Variants in KIAA0586 observed in about 807,000 individuals in gnomAD.
KIAA0586 encodes KIAA0586.
In KIAA0586, 144 loss-of-function variants were observed where a neutral mutation model predicts 169.8. That is an observed-to-expected ratio of 0.85 (90% confidence interval 0.74 to 0.97). The LOEUF (loss-of-function observed/expected upper bound fraction) is 0.97, where lower values mean the gene tolerates loss of function less well. Ranked by LOEUF, KIAA0586 falls within the 50% of genes least tolerant of loss-of-function variation. The pLI is 0.00. For missense variants in KIAA0586, 1,854 were observed against 1,823.0 expected, an observed-to-expected ratio of 1.02 and a Z score of -0.31; for synonymous variants, 625 against 612.4, an observed-to-expected ratio of 1.02 and a Z score of -0.30.
rs369254091 is a variant in KIAA0586, at chr14:58,542,670, A to G, written c.4495+2534A>G. Among the ~76,000 whole-genome samples, 8 of 152,122 alleles carry G rather than the reference A, an allele frequency of 5.3e-5. 1 individual carries two copies. The highest frequency in any genetic ancestry group is 4.4e-5 in the Non-Finnish European group (3 of 67,990). On this transcript the variant is annotated intron_variant, in intron 30 of 30. Transcript: ENST00000652326. ...TTTCTTAATTGTATTTCAGTGAAAC[A>G]TTCTTATTCCTCCTTCTAAAGCAGA...
At chr14:58,557,899 A>ATTTTTTTTTTTTTT in the KIAA0586 span, among the ~76,000 whole-genome samples, 15 of 46,596 alleles carry the variant, frequency 3.2e-4, no homozygotes, top group African/African-American at 1.2e-3. Context: ...ATCCTGAGAA[A>ATTTTTTTTTTTTTT]TCTTTTTTTT....
intron 10 of KIAA0586, among the ~76,000 whole-genome samples, chr14:58,457,217 A>G (rs2039937925): frequency 6.6e-6 from 1 of 152,180 alleles, no homozygotes; most frequent in Non-Finnish European, 1.5e-5. Flanking sequence ...TGGACTGCTT[A>G]GCACTGCTAT....
chr14:58,428,468 G>GTGAT lies in KIAA0586; in HGVS notation c.199+7_199+10dup, dbSNP rs748161617. 3 of 1,593,554 alleles carry GTGAT rather than the reference G, an allele frequency of 1.9e-6. No individual in the cohort carries two copies. The highest frequency in any genetic ancestry group is 2.6e-6 in the Non-Finnish European group (3 of 1,162,422). ...GTTTGAATGGAACATCACGTGGTAT[G>GTGAT]TGATTCCATGTAGTTTTTCAACCAG... On this transcript the variant is annotated splice_donor_region_variant and intron_variant, in intron 1 of 30. Transcript: ENST00000652326.
chr14:58,511,276 A>C (rs1162805251), intron 28 of KIAA0586, among the ~76,000 whole-genome samples: 1 of 152,186 alleles, frequency 6.6e-6, no homozygotes, highest in Non-Finnish European at 1.5e-5. Flanking sequence ...GCTAGCAGGG[A>C]CTTATGGTTA....
At position 58,548,026 on chromosome 14, in the gene KIAA0586, A is replaced by G; in HGVS notation, c.*94A>G. 7.1e-7 allele frequency: 1 copy of G among 1,401,266 alleles called. No individual in the cohort carries two copies. Among genetic ancestry groups the G allele is most frequent in the Non-Finnish European group, 9.6e-7 (1 of 1,043,844 alleles). 86.8% of individuals were successfully genotyped at this position (1,401,266 alleles called of 1,614,324 possible). A position where few individuals can be genotyped will look rare whatever the true frequency, so the allele number is the denominator to read the frequency against. The stretch of plus-strand genomic sequence containing the variant: ...CCTCTCTCAGACTGTTTGGTTTTTG[A>G]GCATATTCTGAAAAAAAAATTCCAA... On this transcript the variant is annotated 3_prime_UTR_variant, in exon 31 of 31. Transcript: ENST00000652326.
At chr14:58,480,506 T>A (rs887698337) in intron 20 of KIAA0586, among the ~76,000 whole-genome samples, 1 of 152,202 alleles carries the variant, frequency 6.6e-6, no homozygotes, top group African/African-American at 2.4e-5. Context: ...TGATGAACCC[T>A]AAGCCATGTA....
chr14:58,474,622 G>C lies in KIAA0586; in HGVS notation c.2650G>C (p.Asp884His). 4 of 1,581,182 alleles carry C rather than the reference G, an allele frequency of 2.5e-6. No homozygotes were observed. The highest frequency in any genetic ancestry group is 3.4e-6 in the Non-Finnish European group (4 of 1,168,986). Reference protein sequence around the residue: ...IDVIQEEEKCDEIPDSEPILE... With the variant: ...IDVIQEEEKCHEIPDSEPILE... ...TTACTACCAGGAAGAAGAAAAATGT[G>C]ATGAAATTCCAGACTCTGAACCAAT... The change falls in exon 19 of 31, where the codon GAT becomes CAT. Residue 884 changes from aspartate to histidine, a missense_variant. Transcript: ENST00000652326.
intron 6 of KIAA0586, among the ~76,000 whole-genome samples, chr14:58,447,441 ATATTT>A (rs142310844): frequency 0.013 from 1,763 of 130,652 alleles, 46 homozygotes; most frequent in African/African-American, 0.047. Flanking sequence ...CTCATTTCAG[ATATTT>A]TATTTTATTT....
intron 18 of KIAA0586, among the ~76,000 whole-genome samples, chr14:58,473,410 A>AT (rs887643165): frequency 2.0e-5 from 3 of 152,130 alleles, no homozygotes; most frequent in African/African-American, 7.2e-5. Flanking sequence ...AACACATATG[A>AT]TTTTTTTGTA....
chr14:58,463,128 GTT>G (rs1465204835), intron 14 of KIAA0586, among the ~76,000 whole-genome samples: 1 of 6,598 alleles, frequency 1.5e-4, no homozygotes, highest in Non-Finnish European at 5.2e-3. Context: ...CACTTGCATG[GTT>G]CTCTCTCTCA....
chr14:58,433,173 TCTCCTGC>T (rs1331857300), intron 4 of KIAA0586: 1 of 152,240 alleles, frequency 6.6e-6, no homozygotes, highest in East Asian at 1.9e-4. Context: ...TTCAAACAAT[TCTCCTGC>T]CTCAGCCTCC....
At chr14:58,552,132 G>T (rs2047215939), downstream of KIAA0586, among the ~76,000 whole-genome samples, 1 of 152,138 alleles carries the variant, frequency 6.6e-6, no homozygotes, top group South Asian at 2.1e-4. Flanking sequence ...ATCCTCATTT[G>T]ATCATTAAAC....
chr14:58,475,050 C>T (rs887754966), intron 19 of KIAA0586, among the ~76,000 whole-genome samples: 9 of 152,180 alleles, frequency 5.9e-5, no homozygotes, highest in East Asian at 3.8e-4. Flanking sequence ...TAAAAATGTA[C>T]ATGTTCTTTA....
intron 29 of KIAA0586, among the ~76,000 whole-genome samples, chr14:58,515,886 A>G (rs908259832): frequency 2.0e-5 from 3 of 150,948 alleles, no homozygotes; most frequent in African/African-American, 4.9e-5. Flanking sequence ...CACCCTAACT[A>G]TAATAAAATG....
At chr14:58,437,987 CA>C (rs2037979728) in intron 4 of KIAA0586, among the ~76,000 whole-genome samples, 1 of 152,002 alleles carries the variant, frequency 6.6e-6, no homozygotes, top group Non-Finnish European at 1.5e-5. Flanking sequence ...TTAACAAAGC[CA>C]AGGGGAATTA....
rs573793674 is a variant in KIAA0586, at chr14:58,474,729, G to A, written c.2757G>A (p.Gln919=). 1 of 1,613,336 alleles carries A rather than the reference G, an allele frequency of 6.2e-7. No homozygotes were observed. Among genetic ancestry groups the A allele is most frequent in the East Asian group, 2.2e-5 (1 of 44,810 alleles). Residue 919 remains glutamine (Q), a synonymous_variant, in exon 19 of 31, where the codon CAG becomes CAA. Coordinates refer to ENST00000652326, the MANE Select transcript of KIAA0586 (RefSeq NM_001329943.3). ...PPFPPVASTF[Q]PTADILDKVI... ...TTCCGCCAGTTGCTTCTACTTTTCA[G>A]CCCACTGCTGATATTCTGGATAAAG...
At position 58,488,768 on chromosome 14, in the gene KIAA0586, A is replaced by T. The variant is rs768736187; in HGVS notation, c.3675A>T (p.Thr1225=). ...PSQMPGSDSS[T]LESTLSVTVT... is the part of the protein sequence containing the mutation. ...AGATGCCAGGTTCTGATTCATCAAC[A>T]CTGGAGAGCACATTGAGTGTTACTG... is the stretch of plus-strand genomic sequence containing the variant. The change falls in exon 24 of 31, where the codon ACA becomes ACT. Residue 1225 remains threonine (T), a synonymous_variant. Coordinates refer to ENST00000652326, the MANE Select transcript of KIAA0586 (RefSeq NM_001329943.3). 10 of 1,613,660 alleles carry T rather than the reference A, an allele frequency of 6.2e-6. No individual in the cohort carries two copies. In the African/African-American group the frequency reaches 9.3e-5, roughly 15 times the overall value.
chr14:58,489,223 A>AT lies in KIAA0586; in HGVS notation c.3781+365dup, dbSNP rs5808974. ...CTATGCATATTGTTTTGAAACCTGA[A>AT]TTTTTTTTTTTTTTTTGAGACAGGT... On this transcript the variant is annotated intron_variant, in intron 24 of 30. Coordinates refer to ENST00000652326, the MANE Select transcript of KIAA0586 (RefSeq NM_001329943.3). Among the ~76,000 whole-genome samples, 530 of 135,606 alleles carry AT rather than the reference A, an allele frequency of 3.9e-3. 13 individuals carry two copies. The highest frequency in any genetic ancestry group is 0.013 in the African/African-American group (461 of 36,508). The allele number at this position is 135,606 out of a possible 152,430, so 89.0% of individuals were successfully genotyped here.
chr14:58,442,815 G>C lies in KIAA0586; in HGVS notation c.520G>C (p.Asp174His). Reference protein sequence around the residue: ...QETRISPSGIDSATTVAAATA... With the variant: ...QETRISPSGIHSATTVAAATA... ...GACTAGAATTTCACCCAGTGGAATT[G>C]ATTCAGCTACAACCGTGGCTGCAGC... Residue 174 changes from aspartate (D) to histidine (H), a missense_variant, in exon 5 of 31, where the codon GAT becomes CAT. Transcript: ENST00000652326. 1 of 1,610,250 alleles carries C rather than the reference G, an allele frequency of 6.2e-7. No homozygotes were observed. Among genetic ancestry groups the C allele is most frequent in the Non-Finnish European group, 8.5e-7 (1 of 1,177,990 alleles).
Sources: gnomAD v4.1 joint callset for allele counts (sites outside exome capture counted in the v4.1 genomes callset) on GRCh38, gnomAD v4.1.1 for gene constraint, MANE v1.5 for transcripts, NCBI Gene and HGNC (gene_info 2026-07-23, HGNC 2026-07-21) for gene names.